Variants in DMD observed in about 807,000 individuals in gnomAD.
DMD encodes dystrophin.
DMD carries 63 observed loss-of-function variants against 330.1 expected under a neutral mutation model. The ratio of observed to expected loss-of-function variants is 0.19; its 90% CI spans 0.16 to 0.24. DMD has a LOEUF of 0.24. Among genes scored for constraint, DMD ranks in the 10% least tolerant of loss-of-function variants. The pLI is 1.00. For missense variants in DMD, 3,344 were observed against 2,684.1 expected (o/e 1.25, Z -5.43); for synonymous variants, 1,223 against 959.8 (o/e 1.27, Z -5.07).
chrX:32,495,088 G>T, intron 19 of DMD, among the ~76,000 whole-genome samples: 1 of 111,869 alleles, frequency 8.9e-6, no homozygotes, highest in East Asian at 2.8e-4. Flanking sequence ...AAAAAAACGT[G>T]GAAATTTCTA....
At chrX:31,288,326 C>T (rs1337433954) in intron 62 of DMD, among the ~76,000 whole-genome samples, 4 of 111,987 alleles carry the variant, frequency 3.6e-5, no homozygotes, top group Non-Finnish European at 7.5e-5. Flanking sequence ...TAGACAAGCA[C>T]TTCACCAGTT....
chrX:32,341,555 T>A (rs2097742841), intron 41 of DMD, among the ~76,000 whole-genome samples: 1 of 112,004 alleles, frequency 8.9e-6, no homozygotes, highest in Non-Finnish European at 1.9e-5. Flanking sequence ...GCAACCATCT[T>A]ACTAGGCATC....
At chrX:31,783,872 T>C (rs1032407490) in intron 50 of DMD, among the ~76,000 whole-genome samples, 1 of 111,657 alleles carries the variant, frequency 9.0e-6, no homozygotes, top group Admixed American at 9.5e-5. Context: ...AAAATGTAGA[T>C]TCTTTTGGTT....
intron 55 of DMD, among the ~76,000 whole-genome samples, chrX:31,584,936 C>T (rs192183558): frequency 3.2e-4 from 35 of 110,990 alleles, no homozygotes; most frequent in Admixed American, 2.6e-3. Context: ...TACTCTTGCA[C>T]CTTCCATATC....
intron 7 of DMD, among the ~76,000 whole-genome samples, chrX:32,797,781 C>A (rs1175206136): frequency 9.1e-6 from 1 of 109,644 alleles, no homozygotes; most frequent in Middle Eastern, 4.3e-3. Flanking sequence ...ACTGTATAGG[C>A]CAAGGATATT....
rs183634890 is a variant in DMD at position 32,731,904 on chromosome X, T to A, written c.650-32611A>T. On this transcript the variant is annotated intron_variant, in intron 7 of 78. Coordinates refer to ENST00000357033, the MANE Select transcript of DMD (RefSeq NM_004006.3). ...TTCCTCACTAGCAACGGAACAAAGC[T>A]GGAGAGAGGATGACTTTGACGAGCT... 2.7e-3 allele frequency among the ~76,000 whole-genome samples: 307 copies of A among 112,076 alleles called. 3 individuals are homozygous for A. Among genetic ancestry groups the A allele is most frequent in the African/African-American group, 9.4e-3 (291 of 30,815 alleles).
At chrX:32,795,772 AT>A (rs372052823) in intron 7 of DMD, among the ~76,000 whole-genome samples, 3 of 111,988 alleles carry the variant, frequency 2.7e-5, no homozygotes, top group Non-Finnish European at 3.8e-5. Flanking sequence ...CAGTAAAAAA[AT>A]AATCACATTA....
At chrX:31,810,027 T>A (rs1033220678) in intron 50 of DMD, among the ~76,000 whole-genome samples, 3 of 107,247 alleles carry the variant, frequency 2.8e-5, no homozygotes, top group African/African-American at 1.0e-4. Context: ...GGTTGATGTA[T>A]TTGATCTATC....
intron 76 of DMD, among the ~76,000 whole-genome samples, chrX:31,135,210 A>G (rs748041935): frequency 2.7e-5 from 3 of 112,188 alleles, no homozygotes; most frequent in African/African-American, 6.5e-5. Flanking sequence ...CTCAACACAA[A>G]AGAGTAAGAA....
intron 54 of DMD, among the ~76,000 whole-genome samples, chrX:31,640,456 C>T (rs1220832210): frequency 1.8e-5 from 2 of 111,864 alleles, no homozygotes; most frequent in Non-Finnish European, 3.8e-5. Flanking sequence ...TTTATAACTG[C>T]GCAAAGTTTA....
chrX:33,089,258 G>T (rs1316298313), intron 1 of DMD, among the ~76,000 whole-genome samples: 3 of 109,738 alleles, frequency 2.7e-5, no homozygotes, highest in African/African-American at 1.0e-4. Flanking sequence ...TAGAGACGGG[G>T]TTTCACCATG....
intron 2 of DMD, among the ~76,000 whole-genome samples, chrX:33,003,824 G>A (rs1272007002): frequency 1.8e-5 from 2 of 112,206 alleles, no homozygotes; most frequent in African/African-American, 6.5e-5. Flanking sequence ...ATATTATATA[G>A]TGAGGCATAC....
chrX:31,594,135 T>C (rs2077005293), intron 55 of DMD, among the ~76,000 whole-genome samples: 1 of 111,219 alleles, frequency 9.0e-6, no homozygotes, highest in Non-Finnish European at 1.9e-5. Context: ...GGCTATCCTA[T>C]GCATTGTAGG....
At chrX:32,474,547 T>C (rs2041023553) in intron 21 of DMD, among the ~76,000 whole-genome samples, 2 of 111,946 alleles carry the variant, frequency 1.8e-5, no homozygotes, top group African/African-American at 6.5e-5. Flanking sequence ...TTTTTGATTA[T>C]GGTCATTCTT....
chrX:32,904,399 G>T (rs901306970), intron 2 of DMD, among the ~76,000 whole-genome samples: 2 of 111,155 alleles, frequency 1.8e-5, no homozygotes, highest in African/African-American at 6.5e-5. Flanking sequence ...ATAAGAAGAG[G>T]TGTAGTAGAG....
At chrX:31,571,254 GGTGTGT>G (rs371098859) in intron 55 of DMD, among the ~76,000 whole-genome samples, 42 of 90,446 alleles carry the variant, frequency 4.6e-4, no homozygotes, top group East Asian at 2.2e-3. Flanking sequence ...GATTTAAAGG[GGTGTGT>G]GTGTGTGTGT....
intron 44 of DMD, among the ~76,000 whole-genome samples, chrX:32,048,904 G>C (rs751989615): frequency 5.4e-4 from 60 of 111,507 alleles, no homozygotes; most frequent in Non-Finnish European, 9.8e-4. Flanking sequence ...GTCTCAAGTG[G>C]TGTGTGTATG....
intron 49 of DMD, among the ~76,000 whole-genome samples, chrX:31,831,625 G>A (rs767277464): frequency 9.0e-6 from 1 of 111,311 alleles, no homozygotes; most frequent in Non-Finnish European, 1.9e-5. Flanking sequence ...ATGAGATGGA[G>A]TCTCACTCTG....
chrX:31,967,696 T>C (rs1255273437), intron 45 of DMD, among the ~76,000 whole-genome samples: 1 of 111,391 alleles, frequency 9.0e-6, no homozygotes, highest in African/African-American at 3.3e-5. Context: ...GGAAGCATAA[T>C]ACAAAATCCC....
Sources: gnomAD v4.1 joint callset for allele counts (sites outside exome capture counted in the v4.1 genomes callset) on GRCh38, gnomAD v4.1.1 for gene constraint, MANE v1.5 for transcripts, NCBI Gene and HGNC (gene_info 2026-07-23, HGNC 2026-07-21) for gene names.